Variants in BTNL9 observed in about 807,000 individuals in gnomAD.
BTNL9 encodes the protein butyrophilin-like protein 9.
A neutral mutation model predicts 45.8 loss-of-function variants in BTNL9; 45 were observed. The observed-to-expected ratio is 0.98, with a 90% CI of 0.77 to 1.26. The LOEUF is 1.26. Ranked by LOEUF, BTNL9 falls within the 50% of genes most tolerant of loss-of-function variation. The probability of loss-of-function intolerance (pLI) is 0.00; values close to 1 mark genes in which losing one functional copy is unlikely to be tolerated. For missense variants in BTNL9, 784 were observed against 729.7 expected, an observed-to-expected ratio of 1.07 and a Z score of -0.86; for synonymous variants, 346 against 330.8, an observed-to-expected ratio of 1.05 and a Z score of -0.50.
chr5:181,054,312 T>G, intron 7 of BTNL9, 53 bp downstream of exon 7: 2 of 1,605,210 alleles, frequency 1.2e-6, no homozygotes, highest in South Asian at 2.2e-5. Flanking sequence ...ACCCTGTGCC[T>G]GTGCAGTGGG....
At chr5:181,041,263 G>A (rs1760762470) in intron 1 of BTNL9, among the ~76,000 whole-genome samples, 1 of 152,216 alleles carries the variant, frequency 6.6e-6, no homozygotes, top group Non-Finnish European at 1.5e-5. Flanking sequence ...GGGAGGACGT[G>A]GCCTGTGGAC....
intron 1 of BTNL9, among the ~76,000 whole-genome samples, chr5:181,041,644 A>C (rs889593996): frequency 6.6e-6 from 1 of 152,248 alleles, no homozygotes; most frequent in African/African-American, 2.4e-5. Context: ...GATTAAAAAC[A>C]AACAGTCCTA....
At chr5:181,049,103 A>G (rs574727199) in intron 3 of BTNL9, among the ~76,000 whole-genome samples, 1 of 151,882 alleles carries the variant, frequency 6.6e-6, no homozygotes, top group South Asian at 2.1e-4. Context: ...GCTGTCTTAT[A>G]CTATGTTAGT....
In BTNL9 at chr5:181,055,112, G is replaced by C; in HGVS notation, c.908-321G>C. The C allele has an allele frequency of 8.7e-7, 1 of 1,146,184 alleles. No homozygotes were observed. The allele number at this position is 1,146,184 out of a possible 1,614,324, so 71.0% of individuals were successfully genotyped here. On this transcript the variant is annotated intron_variant, in intron 7 of 10. Transcript: ENST00000327705. The surrounding 1 kb of genome is among the most constrained non-coding windows in gnomAD (Gnocchi z 4.4). The stretch of plus-strand genomic sequence containing the variant: ...GTGCCTGCACTTAGGCGGGAGCTCC[G>C]CCCCAGGAAGCTTGTGATTTCAGGC...
rs148177643 is a variant in BTNL9, at chr5:181,053,421, A to T, written c.854-48A>T. Reference sequence around the variant, plus strand: ...ACGCGGCGCGGGAAGGCGGCCTGGAAGGGGCGGGGGCGCGCACTCAGCCCT... The same window carrying T: ...ACGCGGCGCGGGAAGGCGGCCTGGATGGGGCGGGGGCGCGCACTCAGCCCT... On this transcript the variant is annotated intron_variant, in intron 5 of 10. Coordinates refer to ENST00000327705, the MANE Select transcript of BTNL9 (RefSeq NM_152547.5). The surrounding 1 kb of genome is among the most constrained non-coding windows in gnomAD (Gnocchi z 6.5). 36,310 of 1,546,366 alleles carry T rather than the reference A, an allele frequency of 0.023. 488 individuals are homozygous for T. The highest frequency in any genetic ancestry group is 0.032 in the Middle Eastern group (155 of 4,850).
intron 2 of BTNL9, among the ~76,000 whole-genome samples, chr5:181,046,659 A>G (rs1441550242): frequency 2.0e-5 from 3 of 151,908 alleles, no homozygotes; most frequent in Non-Finnish European, 4.4e-5. Flanking sequence ...TTATGTGACC[A>G]TGGCTGAGAG....
chr5:181,056,117 C>T (rs1761871577), intron 9 of BTNL9, 102 bp downstream of exon 9: 7 of 1,325,218 alleles, frequency 5.3e-6, no homozygotes, highest in Non-Finnish European at 5.4e-6. Context: ...GGTTGCATTC[C>T]GTGGCCTCAC....
In BTNL9 at chr5:181,053,734, G is replaced by A; in HGVS notation, c.886+233G>A. ...CGGAGGCTAGTGCACAGATGTCAGG[G>A]TTGACCGGCTGCTGTCGTTACGCCC... On this transcript the variant is annotated intron_variant, in intron 6 of 10. Transcript: ENST00000327705. This position sits in a 1 kb window ranked among gnomAD's most constrained non-coding sequence, Gnocchi z 6.5. The A allele has an allele frequency of 1.3e-6, 2 of 1,513,986 alleles. No individual in the cohort carries two copies. Among genetic ancestry groups the A allele is most frequent in the Non-Finnish European group, 1.8e-6 (2 of 1,131,430 alleles). The allele number at this position is 1,513,986 out of a possible 1,614,324, so 93.8% of individuals were successfully genotyped here.
At chr5:181,051,089 C>CAAAAAAAAAAAAAAAAA (rs372848158) in intron 4 of BTNL9, among the ~76,000 whole-genome samples, 1 of 131,822 alleles carries the variant, frequency 7.6e-6, no homozygotes, top group African/African-American at 2.9e-5. Flanking sequence ...AAAAAAAAAA[C>CAAAAAAAAAAAAAAAAA]AAAAAAAAAA....
chr5:181,046,671 AAGAGAGAGAGCG>A (rs1447852933), intron 2 of BTNL9, among the ~76,000 whole-genome samples: 1 of 151,070 alleles, frequency 6.6e-6, no homozygotes, highest in Admixed American at 6.6e-5. Context: ...GGCTGAGAGA[AAGAGAGAGAGCG>A]AGAGAGAGAG....
At position 181,047,417 on chromosome 5, in the gene BTNL9, A is replaced by G. The variant is rs999388031; in HGVS notation, c.110-510A>G. 8 of 854,680 alleles carry G rather than the reference A, an allele frequency of 9.4e-6. No homozygotes were observed. In the African/African-American group the frequency reaches 1.5e-4, roughly 16 times the overall value. The allele number at this position is 854,680 out of a possible 1,614,324, so 52.9% of individuals were successfully genotyped here. On this transcript the variant is annotated intron_variant, in intron 2 of 10. Coordinates refer to ENST00000327705, the MANE Select transcript of BTNL9 (RefSeq NM_152547.5). ...TTTGTAGAAGCTGTACATGTGAATT[A>G]TTTTTTAAACTTGGAAAATCAGACA... is the stretch of plus-strand genomic sequence containing the variant.
chr5:181,055,455 T>A lies in BTNL9; in HGVS notation c.928+2T>A. 6.2e-7 allele frequency: 1 copy of A among 1,614,146 alleles called. No individual in the cohort carries two copies. Among genetic ancestry groups the A allele is most frequent in the Non-Finnish European group, 8.5e-7 (1 of 1,180,020 alleles). ...CAGAAAAGCTTCAGACAGAGCTTGG[T>A]AAGTGACCCCTCTTAGAACTATTTC... On this transcript the variant is annotated splice_donor_variant, in intron 8 of 10. Coordinates refer to ENST00000327705, the MANE Select transcript of BTNL9 (RefSeq NM_152547.5). LOFTEE classifies it high-confidence loss of function. The surrounding 1 kb of genome is among the most constrained non-coding windows in gnomAD (Gnocchi z 4.4).
intron 3 of BTNL9, among the ~76,000 whole-genome samples, chr5:181,048,797 T>TATATTATATAACTATATTAGTTATATA: frequency 6.0e-5 from 1 of 16,754 alleles, no homozygotes; most frequent in Non-Finnish European, 1.0e-4. Context: ...TATATAGTTA[T>TATATTATATAACTATATTAGTTATATA]ATATTATATA....
chr5:181,057,863 T>C (rs938008914), intron 9 of BTNL9, among the ~76,000 whole-genome samples: 2 of 152,220 alleles, frequency 1.3e-5, no homozygotes, highest in Non-Finnish European at 2.9e-5. Context: ...CTTGGTGATA[T>C]CTTTGTTGCA....
intron 9 of BTNL9, among the ~76,000 whole-genome samples, chr5:181,057,835 T>C (rs1761961074): frequency 6.6e-6 from 1 of 152,236 alleles, no homozygotes; most frequent in Non-Finnish European, 1.5e-5. Flanking sequence ...ACGTCTTGTG[T>C]TGCTTTTGCT....
chr5:181,054,260 G>T lies in BTNL9; in HGVS notation c.907+1G>T, dbSNP rs201834629. The T allele has an allele frequency of 3.0e-4, 485 of 1,611,414 alleles. 6 individuals are homozygous for T. In the South Asian group the frequency reaches 5.0e-3, roughly 17 times the overall value. ...CTAGAGAAACTCACTGCAGAGCTGG[G>T]TAAGTTCTGGGTGCGGGGCCACAGT... On this transcript the variant is annotated splice_donor_variant, in intron 7 of 10. Coordinates refer to ENST00000327705, the MANE Select transcript of BTNL9 (RefSeq NM_152547.5). LOFTEE classifies it high-confidence loss of function.
rs932799434 is a variant in BTNL9, at chr5:181,056,463, C to G, written c.955+448C>G. ...GTTCTGTGATGTTCCTTGCTTTTCC[C>G]GTATGCATCATCATGCTTTAATATC... On this transcript the variant is annotated intron_variant, in intron 9 of 10. Coordinates refer to ENST00000327705, the MANE Select transcript of BTNL9 (RefSeq NM_152547.5). 17 of 691,872 alleles carry G rather than the reference C, an allele frequency of 2.5e-5. No homozygotes were observed. In the South Asian group the frequency reaches 2.5e-4, roughly 10 times the overall value. The allele number at this position is 691,872 out of a possible 1,614,324, so 42.9% of individuals were successfully genotyped here. A position where few individuals can be genotyped will look rare whatever the true frequency, so the allele number is the denominator to read the frequency against.
Position 181,059,242 on chromosome 5 carries a change from G to A in BTNL9, c.988G>A (p.Val330Met). The A allele has an allele frequency of 6.4e-7, 1 of 1,556,118 alleles. No homozygotes were observed. Among genetic ancestry groups the A allele is most frequent in the Non-Finnish European group, 8.6e-7 (1 of 1,160,808 alleles). Residue 330 changes from valine (V) to methionine (M), a missense_variant, in exon 11 of 11, where the codon GTG becomes ATG. Coordinates refer to ENST00000327705, the MANE Select transcript of BTNL9 (RefSeq NM_152547.5). ...AACGCTGTGGCTCTGCGCAGTGGAT[G>A]TGACGCTGGACCCGGCCTCGGCGCA... The part of the protein sequence containing the change: ...WRAAQKYAVD[V>M]TLDPASAHPS...
Position 181,059,802 on chromosome 5 carries a change from C to A in BTNL9, c.1548C>A (p.Asn516Lys), listed in dbSNP as rs769499166. ...GAGGGACGGGCGTCCCCGAAGAGAA[C>A]GACAGTGACACCTGGCTACAGCCCT... is the stretch of plus-strand genomic sequence containing the variant. ...PVRGTGVPEE[N>K]DSDTWLQPYE... The change falls in exon 11 of 11, where the codon AAC (asparagine) becomes AAA (lysine). Residue 516 changes from asparagine (N) to lysine (K), a missense_variant. Transcript: ENST00000327705. 5 of 1,602,648 alleles carry A rather than the reference C, an allele frequency of 3.1e-6. No individual in the cohort carries two copies. Among genetic ancestry groups the A allele is most frequent in the Non-Finnish European group, 4.2e-6 (5 of 1,178,604 alleles).
Sources: gnomAD v4.1 joint callset for allele counts (sites outside exome capture counted in the v4.1 genomes callset) on GRCh38, gnomAD v4.1.1 for gene constraint, Gnocchi (gnomAD v3.1) non-coding constraint, MANE v1.5 for transcripts, NCBI Gene and HGNC (gene_info 2026-07-23, HGNC 2026-07-21) for gene names.